The following PRR16 variants were observed in gnomAD, a reference collection of about 807,000 sequenced individuals.
The protein encoded by PRR16 is proline rich 16.
Under a neutral mutation model 18.2 loss-of-function variants are expected in PRR16, and 6 were observed. The ratio of observed to expected loss-of-function variants is 0.33; its 90% CI spans 0.18 to 0.65. PRR16 has a LOEUF of 0.65. PRR16 is among the 30% of genes least tolerant of loss of function. PRR16 has a pLI of 0.74. For synonymous variants in PRR16, 151 were observed against 147.8 expected, an observed-to-expected ratio of 1.02 and a Z score of -0.16; for missense variants, 412 against 376.6, an observed-to-expected ratio of 1.09 and a Z score of -0.78.
the PRR16 span, among the ~76,000 whole-genome samples, chr5:120,709,527 A>T: frequency 6.6e-6 from 1 of 152,064 alleles, no homozygotes; most frequent in East Asian, 1.9e-4. Flanking sequence ...TTAAATATAC[A>T]ATGAATTATT....
At chr5:120,632,574 C>T (rs193107786) in intron 1 of PRR16, among the ~76,000 whole-genome samples, 77 of 151,850 alleles carry the variant, frequency 5.1e-4, no homozygotes, top group African/African-American at 1.5e-3. Context: ...CTTAGAAAAA[C>T]GCAAAATGCA....
the PRR16 span, among the ~76,000 whole-genome samples, chr5:120,754,578 T>TTTG: frequency 7.5e-5 from 8 of 107,046 alleles, no homozygotes; most frequent in African/African-American, 3.0e-4. Flanking sequence ...ATATTTATAT[T>TTTG]TTATATATTA....
At chr5:120,732,413 C>A in the PRR16 span, among the ~76,000 whole-genome samples, 1 of 152,074 alleles carries the variant, frequency 6.6e-6, no homozygotes, top group African/African-American at 2.4e-5. Context: ...TCCAAGGGAG[C>A]AGTACCCTGA....
chr5:120,772,140 T>G, the PRR16 span, among the ~76,000 whole-genome samples: 13 of 152,240 alleles, frequency 8.5e-5, no homozygotes, highest in African/African-American at 2.6e-4. Flanking sequence ...TCTCTGAGAT[T>G]TGACAAGTAA....
chr5:120,686,334 C>G lies in PRR16; in HGVS notation c.540C>G (p.Asp180Glu). Residue 180 changes from aspartate (D) to glutamate (E), a missense_variant, in exon 2 of 2, where the codon GAC (aspartate) becomes GAG (glutamate). Physicochemically the swap from Asp to Glu is conservative, Grantham distance 45. Coordinates refer to ENST00000407149, the MANE Select transcript of PRR16 (RefSeq NM_001300783.2). The part of the protein sequence containing the change: ...DICCIPNSNL[D>E]KAPVQLLMHR... ...GCTGCATACCCAACAGTAACTTGGA[C>G]AAGGCTCCAGTCCAGCTTCTGATGC... The G allele has an allele frequency of 6.2e-7, 1 of 1,614,162 alleles. No homozygotes were observed. The highest frequency in any genetic ancestry group is 8.5e-7 in the Non-Finnish European group (1 of 1,180,010).
chr5:120,587,574 GC>G (rs1753488168), intron 1 of PRR16, among the ~76,000 whole-genome samples: 1 of 152,096 alleles, frequency 6.6e-6, no homozygotes, highest in Non-Finnish European at 1.5e-5. Flanking sequence ...GAACAACAAA[GC>G]CTGAATGAAA....
chr5:120,581,713 G>A (rs1753278770), intron 1 of PRR16, among the ~76,000 whole-genome samples: 1 of 152,048 alleles, frequency 6.6e-6, no homozygotes, highest in Non-Finnish European at 1.5e-5. Context: ...ATTCTGGTAT[G>A]TTGTCTCTTT....
chr5:120,509,148 A>T lies in PRR16; in HGVS notation c.159+44503A>T, dbSNP rs1172091391. ...GCTGGCAAAATGTAGTAGCACAGTA[A>T]ATCTTTGTCTTTTATGTACACATGT... On this transcript the variant is annotated intron_variant, in intron 1 of 1. Coordinates refer to ENST00000407149, the MANE Select transcript of PRR16 (RefSeq NM_001300783.2). Among the ~76,000 whole-genome samples, 5 of 152,070 alleles carry T rather than the reference A, an allele frequency of 3.3e-5. No individual in the cohort carries two copies. The South Asian group carries it at 8.3e-4, about 25-fold the overall frequency.
intron 1 of PRR16, among the ~76,000 whole-genome samples, chr5:120,665,619 C>T (rs987514695): frequency 3.3e-5 from 5 of 151,832 alleles, no homozygotes; most frequent in African/African-American, 9.7e-5. Flanking sequence ...TAATCCATCT[C>T]GAATTAATTT....
At chr5:120,752,405 GTTTA>G in the PRR16 span, among the ~76,000 whole-genome samples, 2 of 151,880 alleles carry the variant, frequency 1.3e-5, no homozygotes, top group Non-Finnish European at 2.9e-5. Flanking sequence ...TTCATAACCT[GTTTA>G]TTGTTTTTTT....
chr5:120,596,190 A>G (rs1753809413), intron 1 of PRR16, among the ~76,000 whole-genome samples: 1 of 149,734 alleles, frequency 6.7e-6, no homozygotes, highest in South Asian at 2.1e-4. Flanking sequence ...TACTTATACA[A>G]TCTTGATTTG....
intron 1 of PRR16, among the ~76,000 whole-genome samples, chr5:120,590,269 A>G (rs1404957246): frequency 1.3e-5 from 2 of 152,082 alleles, no homozygotes; most frequent in African/African-American, 4.8e-5. Context: ...TTTCTTCTGA[A>G]TGCCCATCAT....
rs141617434 is a variant in PRR16 at position 120,581,466 on chromosome 5, C to T, written c.160-104488C>T. Among the ~76,000 whole-genome samples the T allele has an allele frequency of 1.8e-3, 273 of 152,202 alleles. 1 individual carries two copies. The highest frequency in any genetic ancestry group is 6.2e-3 in the African/African-American group (258 of 41,546). ...TATTTTGTTAATTTTTTTCAAAAAA[C>T]CAGCTCCTGGATTCGTTGATTTTTT... On this transcript the variant is annotated intron_variant, in intron 1 of 1. Transcript: ENST00000407149.
chr5:120,669,469 G>GA (rs992687937), intron 1 of PRR16, among the ~76,000 whole-genome samples: 10 of 151,894 alleles, frequency 6.6e-5, no homozygotes, highest in African/African-American at 1.4e-4. Flanking sequence ...TAGCCTTCTG[G>GA]AAAAATGTGT....
chr5:120,519,263 A>ATTTATC (rs1751095822), intron 1 of PRR16, among the ~76,000 whole-genome samples: 1 of 152,126 alleles, frequency 6.6e-6, no homozygotes, highest in Non-Finnish European at 1.5e-5. Context: ...ATGAATAATA[A>ATTTATC]ATTGTATCAG....
the PRR16 span, among the ~76,000 whole-genome samples, chr5:120,744,969 T>C: frequency 6.6e-6 from 1 of 152,174 alleles, no homozygotes; most frequent in Non-Finnish European, 1.5e-5. Context: ...TGCCAGAAGA[T>C]CTTCAGGTTT....
the PRR16 span, among the ~76,000 whole-genome samples, chr5:120,741,171 A>G: frequency 7.9e-5 from 12 of 151,992 alleles, no homozygotes; most frequent in Non-Finnish European, 2.9e-5. Context: ...TTGCATGTGG[A>G]CCTTAAATTT....
chr5:120,609,256 G>A (rs759535492), intron 1 of PRR16, among the ~76,000 whole-genome samples: 40 of 151,634 alleles, frequency 2.6e-4, no homozygotes, highest in Non-Finnish European at 4.3e-4. Context: ...CCATTCAGTG[G>A]CATCATTTAC....
intron 1 of PRR16, among the ~76,000 whole-genome samples, chr5:120,520,072 A>G (rs894340014): frequency 1.3e-5 from 2 of 152,164 alleles, no homozygotes; most frequent in Non-Finnish European, 2.9e-5. Context: ...AGGTTTATTA[A>G]AGTGTAGAAT....
Sources: gnomAD v4.1 joint callset for allele counts (sites outside exome capture counted in the v4.1 genomes callset) on GRCh38, gnomAD v4.1.1 for gene constraint, MANE v1.5 for transcripts, NCBI Gene and HGNC (gene_info 2026-07-23, HGNC 2026-07-21) for gene names.